Variants in PIEZO1 observed in about 807,000 individuals in gnomAD.
The protein encoded by PIEZO1 is piezo-type mechanosensitive ion channel component 1.
In PIEZO1, 296 loss-of-function variants were observed where a neutral mutation model predicts 297.2. That is an observed-to-expected ratio of 1.00 (90% CI 0.91 to 1.10). The LOEUF is 1.10. Among genes scored for constraint, PIEZO1 ranks in the 50% least tolerant of loss-of-function variants. PIEZO1 has a pLI of 0.00. For synonymous variants in PIEZO1, 2,427 were observed against 1,507.5 expected (o/e 1.61, Z -14.13); for missense variants, 5,018 against 3,455.5 (o/e 1.45, Z -11.34).
intron 1 of PIEZO1, among the ~76,000 whole-genome samples, chr16:88,777,473 A>C (rs1008206718): frequency 6.6e-6 from 1 of 151,738 alleles, no homozygotes; most frequent in African/African-American, 2.4e-5. Context: ...GCCCGCAGAC[A>C]CATTGCGGGG....
chr16:88,732,763 C>G lies in PIEZO1; in HGVS notation c.2665-31G>C, dbSNP rs775413136. 2.6e-6 allele frequency: 4 copies of G among 1,518,044 alleles called. No homozygotes were observed. The South Asian group carries it at 5.0e-5, about 19-fold the overall frequency. 94.0% of individuals were successfully genotyped at this position (1,518,044 alleles called of 1,614,324 possible). A position where few individuals can be genotyped will look rare whatever the true frequency, so the allele number is the denominator to read the frequency against. The stretch of plus-strand genomic sequence containing the variant: ...AAGAGGCCAGGCATCAGTGCCCCCT[C>G]CCAGGCCACAGTGCCCCCTGGCCCT... On this transcript the variant is annotated intron_variant, in intron 19 of 50. Coordinates refer to ENST00000301015, the MANE Select transcript of PIEZO1 (RefSeq NM_001142864.4).
chr16:88,720,566 C>CCCG, intron 40 of PIEZO1, 34 bp from the exon 41 acceptor site: 4 of 1,534,924 alleles, frequency 2.6e-6, no homozygotes, highest in Non-Finnish European at 3.5e-6. Flanking sequence ...GGGCCCAGTA[C>CCCG]CCGCCTCCCC....
At chr16:88,724,641 C>G (rs1392827676) in intron 30 of PIEZO1, among the ~76,000 whole-genome samples, 2 of 152,160 alleles carry the variant, frequency 1.3e-5, no homozygotes, top group African/African-American at 4.8e-5. Context: ...TTGCAGTGAG[C>G]TGAGATCATG....
intron 23 of PIEZO1, 132 bp from the exon 24 acceptor site, chr16:88,727,324 G>C (rs1904520413): frequency 9.3e-7 from 1 of 1,069,960 alleles, no homozygotes; most frequent in Non-Finnish European, 1.3e-6. Flanking sequence ...CTGCCTGGGT[G>C]AGTGGCCGGG....
At position 88,721,300 on chromosome 16, in the gene PIEZO1, T is replaced by A. The variant is rs1408980277; in HGVS notation, c.5534A>T (p.Glu1845Val). ...CCCGTCCGTGGGTCCGACCCTGGCT[T>A]CCACCTGAATGTGGTCTTCGGTGGT... Reference protein sequence around the residue: ...AATTEDHIQVEARVGPTDGTP... With the variant: ...AATTEDHIQVVARVGPTDGTP... Residue 1845 changes from glutamate (E) to valine (V), a missense_variant, in exon 39 of 51, where the codon GAA becomes GTA. Physicochemically the swap from Glu to Val is moderately radical, Grantham distance 121. Transcript: ENST00000301015. 39 of 1,545,568 alleles carry A rather than the reference T, an allele frequency of 2.5e-5. No homozygotes were observed. Among genetic ancestry groups the A allele is most frequent in the Non-Finnish European group, 3.2e-5 (37 of 1,146,678 alleles).
chr16:88,743,051 CCTCT>C (rs749611865), intron 2 of PIEZO1: 17 of 447,488 alleles, frequency 3.8e-5, no homozygotes, highest in South Asian at 1.6e-4. Context: ...AGACCGGCAT[CCTCT>C]CTCTCTCTGT....
At chr16:88,784,794 C>G in intron 1 of PIEZO1, 107 bp downstream of exon 1, 5 of 795,628 alleles carry the variant, frequency 6.3e-6, no homozygotes, top group Non-Finnish European at 8.7e-6. Context: ...TTTCCGCGCC[C>G]GCTCGCCCGC....
Position 88,723,965 on chromosome 16 carries a change from TG to T in PIEZO1, c.4240del (p.His1414ThrfsTer39). On this transcript the variant is annotated frameshift_variant, in exon 31 of 51. Coordinates refer to ENST00000301015, the MANE Select transcript of PIEZO1 (RefSeq NM_001142864.4). LOFTEE classifies it high-confidence loss of function. ...RPWLDHATVI[H>X]SGDYFLFESD... ...CTCAAACAGGAAGTAGTCCCCGGAG[TG>T]GATGACTGTGGGCAGGCAGCACTGA... 1 of 1,539,350 alleles carries T rather than the reference TG, an allele frequency of 6.5e-7. No individual in the cohort carries two copies.
intron 1 of PIEZO1, among the ~76,000 whole-genome samples, chr16:88,763,214 G>A (rs1018022014): frequency 6.6e-6 from 1 of 152,164 alleles, no homozygotes; most frequent in Non-Finnish European, 1.5e-5. Flanking sequence ...GCGGCTCAGG[G>A]CACTTACGGG....
intron 1 of PIEZO1, among the ~76,000 whole-genome samples, chr16:88,760,019 C>A (rs929071211): frequency 2.0e-5 from 3 of 152,206 alleles, no homozygotes; most frequent in Non-Finnish European, 4.4e-5. Flanking sequence ...ACTCCTTCTC[C>A]GCGCCAATCC....
chr16:88,717,631 GAAAC>G, intron 44 of PIEZO1: 1 of 458,416 alleles, frequency 2.2e-6, no homozygotes. Flanking sequence ...TTTGGCGAAG[GAAAC>G]AAAGTAAACC....
rs568001636 is a variant in PIEZO1 at position 88,723,240 on chromosome 16, C to T, written c.4424G>A (p.Gly1475Glu). ...CCCCAGCTCACCTGTGGGTAGCTGT[C>T]CTGCCTGTTCCTGCCTTGCCTGCTC... is the stretch of plus-strand genomic sequence containing the variant. ...EQEQARQEQAGQLPTGGGPSQ... is the reference protein window; with the variant it reads ...EQEQARQEQAEQLPTGGGPSQ... The change falls in exon 32 of 51, where the codon GGA (glycine) becomes GAA (glutamate). Residue 1475 changes from glycine to glutamate, a missense_variant. Physicochemically the swap from Gly to Glu is moderately conservative, Grantham distance 98 (BLOSUM62 -2). Transcript: ENST00000301015. The T allele has an allele frequency of 1.4e-5, 21 of 1,546,022 alleles. No individual in the cohort carries two copies. Among genetic ancestry groups the T allele is most frequent in the Admixed American group, 2.0e-5 (1 of 50,974 alleles).
intron 5 of PIEZO1, 22 bp from the exon 6 acceptor site, chr16:88,738,758 G>A (rs1404407668): frequency 8.5e-6 from 13 of 1,521,176 alleles, no homozygotes; most frequent in African/African-American, 1.4e-5. Flanking sequence ...ACGGACAGGG[G>A]CAAGGTCAGG....
intron 1 of PIEZO1, among the ~76,000 whole-genome samples, chr16:88,782,600 C>G (rs147609688): frequency 6.6e-6 from 1 of 152,340 alleles, no homozygotes; most frequent in East Asian, 1.9e-4. Flanking sequence ...GACTCAAACC[C>G]TCACCAGGCA....
intron 30 of PIEZO1, among the ~76,000 whole-genome samples, chr16:88,724,492 T>C (rs1904312590): frequency 6.7e-6 from 1 of 150,052 alleles, no homozygotes; most frequent in Admixed American, 6.6e-5. Context: ...AATCACGCCA[T>C]TGCACTGTAG....
intron 23 of PIEZO1, 131 bp from the exon 24 acceptor site, chr16:88,727,323 T>C: frequency 9.1e-7 from 1 of 1,101,294 alleles, no homozygotes. Context: ...TCTGCCTGGG[T>C]GAGTGGCCGG....
Position 88,733,458 on chromosome 16 carries a change from A to AG in PIEZO1, c.2488-5dup. ...GCAGCAGGTTCATCACCGACACCTG[A>AG]GGGCAGTGGGCACGTGGGGCTGGGC... On this transcript the variant is annotated splice_polypyrimidine_tract_variant and splice_region_variant and intron_variant, in intron 18 of 50. Coordinates refer to ENST00000301015, the MANE Select transcript of PIEZO1 (RefSeq NM_001142864.4). 6.5e-7 allele frequency: 1 copy of AG among 1,544,924 alleles called. No individual in the cohort carries two copies. Among genetic ancestry groups the AG allele is most frequent in the Non-Finnish European group, 8.7e-7 (1 of 1,142,984 alleles).
At chr16:88,732,046 G>C (rs963260252) in intron 21 of PIEZO1, 136 bp from the exon 22 acceptor site, 28 of 341,566 alleles carry the variant, frequency 8.2e-5, no homozygotes, top group Admixed American at 2.6e-4. Flanking sequence ...CAGGGCCAGC[G>C]GCGCTGTCAA....
In PIEZO1 at chr16:88,720,692, T is replaced by C. The variant is rs753418255; in HGVS notation, c.5725A>G (p.Arg1909Gly). ...CCAGAGCGGCTTGGCCTCTTCTCTC[T>C]CCCCGTGGGGGCCTCTTTCTCTTCC... The part of the protein sequence containing the change: ...GEEEKEAPTG[R>G]EKRPSRSGGR... Residue 1909 changes from arginine (R) to glycine (G), a missense_variant, in exon 40 of 51, where the codon AGA becomes GGA. By Grantham distance (125) the Arg-to-Gly change is moderately radical. Coordinates refer to ENST00000301015, the MANE Select transcript of PIEZO1 (RefSeq NM_001142864.4). 10 of 1,540,052 alleles carry C rather than the reference T, an allele frequency of 6.5e-6. No individual in the cohort carries two copies. Among genetic ancestry groups the C allele is most frequent in the South Asian group, 1.2e-5 (1 of 82,810 alleles).
Sources: allele counts gnomAD v4.1 joint callset (sites outside exome capture counted in the v4.1 genomes callset), GRCh38; gene constraint gnomAD v4.1.1; transcripts MANE v1.5; gene names NCBI Gene and HGNC (gene_info 2026-07-23, HGNC 2026-07-21).